RAD17: variants seen among roughly 807,000 people sequenced by gnomAD.
RAD17 encodes the protein cell cycle checkpoint protein RAD17.
In RAD17, 31 loss-of-function variants were observed where a neutral mutation model predicts 81.5. The ratio of observed to expected loss-of-function variants is 0.38; its 90% CI spans 0.29 to 0.51. The LOEUF is 0.51. Among genes scored for constraint, RAD17 ranks in the 20% least tolerant of loss-of-function variants. RAD17 has a pLI of 0.88. For missense variants in RAD17, 681 were observed against 781.2 expected (o/e 0.87, Z 1.53); for synonymous variants, 261 against 266.2 (o/e 0.98, Z 0.19).
At chr5:69,378,007 C>T (rs761967549) in intron 6 of RAD17, among the ~76,000 whole-genome samples, 13 of 151,864 alleles carry the variant, frequency 8.6e-5, no homozygotes, top group Non-Finnish European at 1.6e-4. Context: ...GTGTTGCCCA[C>T]GCTGGTCTTG....
chr5:69,369,764 G>C (rs1762801936), upstream of RAD17: 5 of 1,470,368 alleles, frequency 3.4e-6, no homozygotes, highest in Non-Finnish European at 4.6e-6. Flanking sequence ...ACACTCCTTC[G>C]GTGGTCCCCG....
chr5:69,397,411 G>A (rs1580414881), intron 16 of RAD17, among the ~76,000 whole-genome samples: 1 of 152,132 alleles, frequency 6.6e-6, no homozygotes, highest in Non-Finnish European at 1.5e-5. Context: ...CAAAGTGCTG[G>A]GATTACAGGC....
chr5:69,373,927 A>G lies in RAD17; in HGVS notation c.107A>G (p.His36Arg), dbSNP rs1182471847. Residue 36 changes from histidine (H) to arginine (R), a missense_variant, in exon 5 of 19, where the codon CAT becomes CGT. His to Arg is a conservative substitution (Grantham distance 29, BLOSUM62 0). Coordinates refer to ENST00000354868, the MANE Select transcript of RAD17 (RefSeq NM_133338.3). Reference protein sequence around the residue: ...ATSLGVNNSSHRRKNGPSTLE... With the variant: ...ATSLGVNNSSRRRKNGPSTLE... ...TCATTAGGTGTGAATAACTCAAGTC[A>G]TAGAAGAAAAAATGGGCCTTCTACA... The G allele has an allele frequency of 6.2e-7, 1 of 1,613,102 alleles. No individual in the cohort carries two copies. The highest frequency in any genetic ancestry group is 2.2e-5 in the East Asian group (1 of 44,816).
chr5:69,376,588 C>T (rs1216999960), intron 6 of RAD17, among the ~76,000 whole-genome samples: 1 of 152,278 alleles, frequency 6.6e-6, no homozygotes, highest in Admixed American at 6.5e-5. Context: ...TAGCCTTCTC[C>T]CGTTACTAAC....
chr5:69,371,567 A>T lies in RAD17; in HGVS notation c.-176+10A>T, dbSNP rs758165800. 1 of 1,394,466 alleles carries T rather than the reference A, an allele frequency of 7.2e-7. No individual in the cohort carries two copies. The highest frequency in any genetic ancestry group is 1.8e-5 in the South Asian group (1 of 54,084). 86.4% of individuals were successfully genotyped at this position (1,394,466 alleles called of 1,614,324 possible). Reference sequence around the variant, plus strand: ...GGTATCTTCCACAAAGGTATGATACACTGGAATGGCCATGTAATAATTGCC... The same window carrying T: ...GGTATCTTCCACAAAGGTATGATACTCTGGAATGGCCATGTAATAATTGCC... On this transcript the variant is annotated intron_variant, in intron 3 of 18. Transcript: ENST00000354868.
chr5:69,386,541 G>A, intron 11 of RAD17, 76 bp downstream of exon 11: 2 of 1,349,454 alleles, frequency 1.5e-6, no homozygotes, highest in Non-Finnish European at 1.9e-6. Flanking sequence ...TAAACTGAAG[G>A]AGTGTTATTT....
chr5:69,405,317 A>G (rs2150874876), intron 17 of RAD17, among the ~76,000 whole-genome samples: 1 of 151,590 alleles, frequency 6.6e-6, no homozygotes, highest in South Asian at 2.1e-4. Flanking sequence ...GCCTGGCAAC[A>G]TAGTGAAAAC....
chr5:69,405,592 G>A (rs1475495676), intron 17 of RAD17, among the ~76,000 whole-genome samples: 1 of 151,732 alleles, frequency 6.6e-6, no homozygotes, highest in East Asian at 1.9e-4. Context: ...GCTTGAACTT[G>A]GGAGGCAGAG....
chr5:69,401,343 ATTTGCTTATGTCACTTAC>A (rs1348129236), intron 17 of RAD17, among the ~76,000 whole-genome samples: 1 of 152,216 alleles, frequency 6.6e-6, no homozygotes, highest in Non-Finnish European at 1.5e-5. Flanking sequence ...GCAAGCTTTA[ATTTGCTTATGTCACTTAC>A]TGTGGATAGC....
intron 16 of RAD17, among the ~76,000 whole-genome samples, chr5:69,397,742 C>G (rs937604971): frequency 6.6e-6 from 1 of 152,046 alleles, no homozygotes; most frequent in African/African-American, 2.4e-5. Flanking sequence ...GAGACGGAGC[C>G]TCGCTGGCCA....
chr5:69,372,667 A>G (rs1187553886), intron 4 of RAD17, among the ~76,000 whole-genome samples: 1 of 151,972 alleles, frequency 6.6e-6, no homozygotes, highest in Non-Finnish European at 1.5e-5. Flanking sequence ...GCTGGAGTGC[A>G]GTGGGGTGAT....
chr5:69,386,384 T>A lies in RAD17; in HGVS notation c.825-12T>A. The stretch of plus-strand genomic sequence containing the variant: ...TAATCATTTAACTGCTATCTTTCTT[T>A]ATAAAACTTAGTTTCAACCCTGTGG... On this transcript the variant is annotated splice_polypyrimidine_tract_variant and intron_variant, in intron 10 of 18. Coordinates refer to ENST00000354868, the MANE Select transcript of RAD17 (RefSeq NM_133338.3). 5 of 1,591,290 alleles carry A rather than the reference T, an allele frequency of 3.1e-6. No individual in the cohort carries two copies. The highest frequency in any genetic ancestry group is 4.3e-6 in the Non-Finnish European group (5 of 1,172,126).
At chr5:69,413,090 T>TTGTCCATGTTTG (rs1292226142) in intron 18 of RAD17, among the ~76,000 whole-genome samples, 1 of 152,224 alleles carries the variant, frequency 6.6e-6, no homozygotes, top group Admixed American at 6.5e-5. Flanking sequence ...GTTTTATAAG[T>TTGTCCATGTTTG]TGTCCATGTT....
chr5:69,407,269 A>C (rs890832288), intron 17 of RAD17, among the ~76,000 whole-genome samples: 1 of 151,794 alleles, frequency 6.6e-6, no homozygotes, highest in Non-Finnish European at 1.5e-5. Context: ...TGTGTAGTAG[A>C]ATTTTTAACA....
Position 69,373,872 on chromosome 5 carries a change from T to C in RAD17, c.52T>C (p.Cys18Arg), listed in dbSNP as rs1554037973. The C allele has an allele frequency of 6.2e-7, 1 of 1,610,142 alleles. No homozygotes were observed. The highest frequency in any genetic ancestry group is 8.5e-7 in the Non-Finnish European group (1 of 1,177,064). Reference protein sequence around the residue: ...VDPSFDDFLECSGVSTITATS... With the variant: ...VDPSFDDFLERSGVSTITATS... ...CCCATCATTTGATGATTTTCTAGAGTGTAGTGGCGTCTCTACTATTACTGC... is the reference window on the plus strand; with the variant it reads ...CCCATCATTTGATGATTTTCTAGAGCGTAGTGGCGTCTCTACTATTACTGC... The change falls in exon 5 of 19, where the codon TGT becomes CGT. Residue 18 changes from cysteine to arginine, a missense_variant. By Grantham distance (180) the Cys-to-Arg change is radical. Transcript: ENST00000354868.
chr5:69,389,393 T>A (rs1455561774), intron 12 of RAD17, among the ~76,000 whole-genome samples: 1 of 152,236 alleles, frequency 6.6e-6, no homozygotes, highest in African/African-American at 2.4e-5. Context: ...GAACCAGATT[T>A]CCTGGATAAA....
intron 18 of RAD17, among the ~76,000 whole-genome samples, chr5:69,411,431 A>G (rs967373616): frequency 8.5e-5 from 13 of 152,144 alleles, no homozygotes; most frequent in Non-Finnish European, 1.6e-4. Context: ...ATTTAAAAAA[A>G]TCTTGCTTAC....
chr5:69,393,910 T>G (rs1231101309), intron 15 of RAD17, among the ~76,000 whole-genome samples: 5 of 63,374 alleles, frequency 7.9e-5, no homozygotes, highest in Non-Finnish European at 1.6e-4. Context: ...TTATGGTGGT[T>G]TTTTTTTTTT....
chr5:69,410,187 A>G (rs900594811), intron 17 of RAD17, among the ~76,000 whole-genome samples: 6 of 152,194 alleles, frequency 3.9e-5, no homozygotes, highest in Non-Finnish European at 5.9e-5. Flanking sequence ...GAATTGTTAG[A>G]TCATACAATA....
Sources: allele counts gnomAD v4.1 joint callset (sites outside exome capture counted in the v4.1 genomes callset), GRCh38; gene constraint gnomAD v4.1.1; transcripts MANE v1.5; gene names NCBI Gene and HGNC (gene_info 2026-07-23, HGNC 2026-07-21).